Variants in CCDC57 observed in about 807,000 individuals in gnomAD.
The protein encoded by CCDC57 is coiled-coil domain containing 57, also known as coiled-coil domain-containing protein 57.
A neutral mutation model predicts 118.9 loss-of-function variants in CCDC57; 118 were observed. The observed-to-expected ratio is 0.99, with a 90% CI of 0.86 to 1.16. CCDC57 has a LOEUF of 1.16. Ranked by LOEUF, CCDC57 falls within the 50% of genes most tolerant of loss-of-function variation. CCDC57 has a pLI of 0.00. For synonymous variants in CCDC57, 527 were observed against 532.9 expected (o/e 0.99, Z 0.15); for missense variants, 1,300 against 1,320.7 (o/e 0.98, Z 0.24).
intron 14 of CCDC57, among the ~76,000 whole-genome samples, chr17:82,162,547 G>A (rs986079563): frequency 1.8e-4 from 27 of 152,162 alleles, no homozygotes; most frequent in Non-Finnish European, 3.7e-4. Flanking sequence ...GAGCACATGC[G>A]TCCGGTTGAC....
chr17:82,111,431 C>T (rs111482159), intron 19 of CCDC57, among the ~76,000 whole-genome samples: 1,634 of 136,184 alleles, frequency 0.012, 32 homozygotes, highest in African/African-American at 0.044. Flanking sequence ...CAGGTTGGAG[C>T]GCAGTGGCGT....
chr17:82,106,420 AGGTGGCTGCAGGCT>A (rs1189279460), intron 19 of CCDC57: 1 of 152,806 alleles, frequency 6.5e-6, no homozygotes, highest in Non-Finnish European at 1.5e-5. Context: ...CCCCAAGCAC[AGGTGGCTGCAGGCT>A]GGTGGGTGCC....
intron 9 of CCDC57, among the ~76,000 whole-genome samples, chr17:82,182,300 TG>T (rs2046308223): frequency 6.6e-6 from 1 of 150,462 alleles, no homozygotes; most frequent in African/African-American, 2.4e-5. Flanking sequence ...AAAAGAATGC[TG>T]GAAGGAAGAG....
At chr17:82,193,815 C>T in exon 7 of CCDC57, 1 of 1,597,412 alleles carries the variant, frequency 6.3e-7, no homozygotes, top group East Asian at 2.2e-5. Flanking sequence ...GAAGTTTATC[C>T]TCTAAATCCT....
At chr17:82,133,431 C>CAAAAAAA (rs71166189) in intron 17 of CCDC57, among the ~76,000 whole-genome samples, 1 of 38,400 alleles carries the variant, frequency 2.6e-5, no homozygotes, top group African/African-American at 1.0e-4. Flanking sequence ...GGCCCTGTCT[C>CAAAAAAA]AAAAAAAAAA....
intron 16 of CCDC57, among the ~76,000 whole-genome samples, chr17:82,151,001 A>C (rs368051731): frequency 4.2e-4 from 23 of 54,694 alleles, no homozygotes; most frequent in South Asian, 9.4e-4. Context: ...AGAACCAGGC[A>C]CACACCCAGA....
intron 15 of CCDC57, among the ~76,000 whole-genome samples, chr17:82,152,697 T>C (rs865951469): frequency 2.9e-4 from 44 of 152,364 alleles, no homozygotes; most frequent in African/African-American, 1.0e-3. Flanking sequence ...GGAGCCAGGC[T>C]GCACCTGGCC....
chr17:82,204,963 C>T (rs2049438171), intron 2 of CCDC57, among the ~76,000 whole-genome samples: 1 of 152,240 alleles, frequency 6.6e-6, no homozygotes, highest in Admixed American at 6.5e-5. Flanking sequence ...TCAACCTGAA[C>T]ATCACTGCAG....
rs544423781 is a variant in CCDC57, at chr17:82,125,259, C to A, written c.2899+2433G>T. Among the ~76,000 whole-genome samples, 10 of 152,178 alleles carry A rather than the reference C, an allele frequency of 6.6e-5. No individual in the cohort carries two copies. In the East Asian group the frequency reaches 1.9e-3, roughly 29 times the overall value. ...TCTAAAAATTATATACAAAAAAGGC[C>A]GGGCATGGTGACTCACGCCTGCAGT... is the stretch of plus-strand genomic sequence containing the variant. On this transcript the variant is annotated intron_variant, in intron 19 of 19. Transcript: ENST00000665763.
chr17:82,187,236 C>CAAAAA (rs61100137), intron 8 of CCDC57, among the ~76,000 whole-genome samples: 6 of 62,992 alleles, frequency 9.5e-5, no homozygotes, highest in Non-Finnish European at 9.0e-5. Context: ...GACTCCATCT[C>CAAAAA]AAAAAAAAAA....
chr17:82,179,480 A>C (rs1384087899), intron 9 of CCDC57, among the ~76,000 whole-genome samples: 2 of 152,216 alleles, frequency 1.3e-5, no homozygotes, highest in Non-Finnish European at 2.9e-5. Flanking sequence ...GGAAAGCAAC[A>C]ACCTTAAAAG....
chr17:82,127,116 T>C (rs1330320332), intron 19 of CCDC57: 1 of 985,340 alleles, frequency 1.0e-6, no homozygotes. Context: ...CACTGTGACC[T>C]GCTGAGTTTA....
chr17:82,162,978 A>G (rs1438710467), intron 14 of CCDC57, among the ~76,000 whole-genome samples: 2 of 152,162 alleles, frequency 1.3e-5, no homozygotes, highest in Non-Finnish European at 2.9e-5. Context: ...TGCCTAGACC[A>G]TGCTTCCCAG....
intron 19 of CCDC57, chr17:82,113,357 C>A: frequency 1.4e-6 from 1 of 714,766 alleles, no homozygotes; most frequent in Non-Finnish European, 2.6e-6. Context: ...TAAAATGTCA[C>A]CAGCGTGACC....
intron 19 of CCDC57, chr17:82,112,517 A>G (rs2035346583): frequency 6.6e-6 from 1 of 152,302 alleles, no homozygotes; most frequent in Non-Finnish European, 1.5e-5. Flanking sequence ...TTTCTTCTAT[A>G]CATGTACAGG....
At chr17:82,142,018 C>T (rs977831789) in intron 16 of CCDC57, among the ~76,000 whole-genome samples, 24 of 152,250 alleles carry the variant, frequency 1.6e-4, no homozygotes, top group Admixed American at 1.4e-3. Context: ...ATCTGAAACT[C>T]GATTCTTTTA....
At chr17:82,138,716 C>T (rs950852630) in intron 16 of CCDC57, among the ~76,000 whole-genome samples, 2 of 151,560 alleles carry the variant, frequency 1.3e-5, no homozygotes, top group East Asian at 1.9e-4. Flanking sequence ...TGGCCTGCCC[C>T]GGGCTGTGTG....
At chr17:82,157,716 G>A in intron 15 of CCDC57, 32 bp downstream of exon 14, 1 of 1,550,064 alleles carries the variant, frequency 6.5e-7, no homozygotes, top group South Asian at 1.2e-5. Context: ...AGGAACCTCG[G>A]CGGGTGGCAG....
chr17:82,133,425 C>A, intron 17 of CCDC57, among the ~76,000 whole-genome samples: 1 of 102,366 alleles, frequency 9.8e-6, no homozygotes. Flanking sequence ...GAGCCAGGCC[C>A]TGTCTCAAAA....
Sources: allele counts gnomAD v4.1 joint callset (sites outside exome capture counted in the v4.1 genomes callset), GRCh38; gene constraint gnomAD v4.1.1; transcripts MANE v1.5; gene names NCBI Gene and HGNC (gene_info 2026-07-23, HGNC 2026-07-21).